IPPK: variants seen among roughly 807,000 people sequenced by gnomAD.
The protein encoded by IPPK is inositol-pentakisphosphate 2-kinase, also known as IPK1 homolog.
In IPPK, 22 loss-of-function variants were observed where a neutral mutation model predicts 64.6. The observed-to-expected ratio is 0.34, with a 90% CI of 0.24 to 0.49. The LOEUF is 0.49. IPPK is among the 20% of genes least tolerant of loss of function. The pLI, the probability that IPPK is intolerant of heterozygous loss-of-function variation, is 0.99. For missense variants in IPPK, 532 were observed against 630.7 expected, an observed-to-expected ratio of 0.84 and a Z score of 1.68; for synonymous variants, 262 against 247.2, an observed-to-expected ratio of 1.06 and a Z score of -0.56.
intron 7 of IPPK, 122 bp downstream of exon 7, chr9:92,642,630 G>A (rs1852073679): frequency 1.0e-5 from 8 of 794,658 alleles, no homozygotes; most frequent in Non-Finnish European, 1.7e-5. Flanking sequence ...GAGCCCTGAA[G>A]ACAGAACAGG....
chr9:92,629,451 T>A lies in IPPK; in HGVS notation c.1170+4935A>T, dbSNP rs574200059. On this transcript the variant is annotated intron_variant, in intron 11 of 12. Coordinates refer to ENST00000287996, the MANE Select transcript of IPPK (RefSeq NM_022755.6). ...AGAATTCTCAAGATAAATGACACTATTAAAAAGTAGGCAAAGGGGGCTGGG... is the reference window on the plus strand; with the variant it reads ...AGAATTCTCAAGATAAATGACACTAATAAAAAGTAGGCAAAGGGGGCTGGG... Among the ~76,000 whole-genome samples the A allele has an allele frequency of 2.7e-4, 41 of 152,086 alleles. 1 individual carries two copies. Among genetic ancestry groups the A allele is most frequent in the Admixed American group, 1.3e-4 (2 of 15,270 alleles).
intron 2 of IPPK, 46 bp from the exon 3 acceptor site, chr9:92,656,597 A>AG: frequency 7.8e-7 from 1 of 1,279,386 alleles, no homozygotes; most frequent in Non-Finnish European, 1.1e-6. Flanking sequence ...GGACCTCCCA[A>AG]CAGAGCCTTG....
intron 11 of IPPK, among the ~76,000 whole-genome samples, chr9:92,628,136 AAAG>A (rs1191362978): frequency 2.0e-5 from 3 of 152,240 alleles, no homozygotes; most frequent in East Asian, 3.8e-4. Flanking sequence ...TAAGTTTAAC[AAAG>A]AAGCATAAAA....
chr9:92,651,985 G>A (rs67601697), intron 4 of IPPK, among the ~76,000 whole-genome samples: 27,455 of 151,932 alleles, frequency 0.18, 3,701 homozygotes, highest in East Asian at 0.73. Flanking sequence ...CAGGTGACCT[G>A]CCTGCCTCAG....
At chr9:92,625,061 T>C (rs1317666743) in intron 11 of IPPK, among the ~76,000 whole-genome samples, 1 of 152,238 alleles carries the variant, frequency 6.6e-6, no homozygotes, top group Non-Finnish European at 1.5e-5. Context: ...ACAACAGGAA[T>C]TCTGATTGCT....
chr9:92,656,303 C>T (rs183700668), intron 3 of IPPK, among the ~76,000 whole-genome samples, 153 bp downstream of exon 3: 1 of 152,332 alleles, frequency 6.6e-6, no homozygotes, highest in Admixed American at 6.5e-5. Context: ...GCAGTATCCA[C>T]TCTGCTGCCA....
At chr9:92,666,940 C>A (rs887480757) in intron 1 of IPPK, among the ~76,000 whole-genome samples, 1 of 152,182 alleles carries the variant, frequency 6.6e-6, no homozygotes, top group Non-Finnish European at 1.5e-5. Flanking sequence ...CCCATGTTTG[C>A]ATACTGCAGG....
At chr9:92,616,956 G>A (rs1043249632) in intron 12 of IPPK, 4 of 152,182 alleles carry the variant, frequency 2.6e-5, no homozygotes, top group African/African-American at 9.7e-5. Context: ...AGCTCCTGCC[G>A]AGGAGAGGAA....
chr9:92,668,011 T>C (rs1248105913), intron 1 of IPPK, among the ~76,000 whole-genome samples: 1 of 152,212 alleles, frequency 6.6e-6, no homozygotes, highest in Non-Finnish European at 1.5e-5. Flanking sequence ...GGCTCACGCC[T>C]GTAATCCCAG....
At position 92,613,248 on chromosome 9, in the gene IPPK, C is replaced by G. The variant is rs1851326107; in HGVS notation, c.*2584G>C. The G allele has an allele frequency of 7.1e-7, 1 of 1,418,178 alleles. No individual in the cohort carries two copies. The highest frequency in any genetic ancestry group is 2.3e-5 in the East Asian group (1 of 43,490). 87.8% of individuals were successfully genotyped at this position (1,418,178 alleles called of 1,614,324 possible). Reference sequence around the variant, plus strand: ...GCTATTTTCTGCTTAGAAACCACACCCTGAAGACGTGCTGTCTATGCAGTT... The same window carrying G: ...GCTATTTTCTGCTTAGAAACCACACGCTGAAGACGTGCTGTCTATGCAGTT... On this transcript the variant is annotated 3_prime_UTR_variant, in exon 13 of 13. Coordinates refer to ENST00000287996, the MANE Select transcript of IPPK (RefSeq NM_022755.6).
chr9:92,648,143 T>C lies in IPPK; in HGVS notation c.420A>G (p.Lys140=), dbSNP rs985794400. 4 of 1,612,072 alleles carry C rather than the reference T, an allele frequency of 2.5e-6. No homozygotes were observed. Among genetic ancestry groups the C allele is most frequent in the Non-Finnish European group, 2.5e-6 (3 of 1,178,904 alleles). ...CACTCGAGAAAGGAATAAACCCACA[T>C]TTTGGCTGTAAAATAAACAAATAAG... ...RPILCVEIKP[K]CGFIPFSSDV... is the part of the protein sequence containing the mutation. Residue 140 remains lysine (K), a synonymous_variant, in exon 6 of 13, where the codon AAA becomes AAG. Transcript: ENST00000287996.
At chr9:92,647,303 CA>C (rs1294577428) in intron 6 of IPPK, among the ~76,000 whole-genome samples, 2 of 152,132 alleles carry the variant, frequency 1.3e-5, no homozygotes, top group Admixed American at 6.5e-5. Context: ...ATCCCAGGAC[CA>C]AATGCCTTCA....
intron 1 of IPPK, 117 bp downstream of exon 1, chr9:92,669,791 G>C (rs946638779): frequency 1.5e-6 from 1 of 686,418 alleles, no homozygotes. Context: ...GGCCGGGGAG[G>C]AGGAAGGTAC....
At chr9:92,620,407 C>T (rs1851593182) in intron 11 of IPPK, 1 of 152,208 alleles carries the variant, frequency 6.6e-6, no homozygotes, top group Non-Finnish European at 1.5e-5. Flanking sequence ...ACAACTGTCT[C>T]CTCTACAGAG....
chr9:92,620,741 A>G (rs1042140651), intron 11 of IPPK, among the ~76,000 whole-genome samples: 6 of 152,146 alleles, frequency 3.9e-5, no homozygotes, highest in Admixed American at 1.3e-4. Context: ...CCCACACACT[A>G]TTCTTGGGGC....
chr9:92,640,712 T>G lies in IPPK; in HGVS notation c.634A>C (p.Lys212Gln). Residue 212 changes from lysine (K) to glutamine (Q), a missense_variant and splice_region_variant, in exon 8 of 13, where the codon AAG becomes CAG. Coordinates refer to ENST00000287996, the MANE Select transcript of IPPK (RefSeq NM_022755.6). ...CATAGAATCAAAGCAGCTCTTACCT[T>G]AAATATCTTCAAGTTGTTCTGTGCC... The part of the protein sequence containing the change: ...QEAQNNLKIF[K>Q]NGELIYGCKD... The G allele has an allele frequency of 6.2e-7, 1 of 1,606,160 alleles. No individual in the cohort carries two copies. The highest frequency in any genetic ancestry group is 8.5e-7 in the Non-Finnish European group (1 of 1,172,772).
chr9:92,632,646 C>G (rs1408384247), intron 11 of IPPK, among the ~76,000 whole-genome samples: 1 of 152,258 alleles, frequency 6.6e-6, no homozygotes, highest in African/African-American at 2.4e-5. Flanking sequence ...CCACTGCTTT[C>G]TTCTCACCCC....
intron 11 of IPPK, among the ~76,000 whole-genome samples, chr9:92,632,003 C>T (rs1050855641): frequency 1.3e-5 from 2 of 152,180 alleles, no homozygotes; most frequent in African/African-American, 4.8e-5. Flanking sequence ...TGGTTTTCGT[C>T]ACCAACAAAG....
intron 1 of IPPK, among the ~76,000 whole-genome samples, chr9:92,669,333 C>G (rs1480779761): frequency 6.6e-6 from 1 of 152,230 alleles, no homozygotes; most frequent in African/African-American, 2.4e-5. Context: ...TCGTTGAATT[C>G]AGGTGAAAGC....
Sources: gnomAD v4.1 joint callset for allele counts (sites outside exome capture counted in the v4.1 genomes callset) on GRCh38, gnomAD v4.1.1 for gene constraint, MANE v1.5 for transcripts, NCBI Gene and HGNC (gene_info 2026-07-23, HGNC 2026-07-21) for gene names.